FAM72A: variants seen among roughly 807,000 people sequenced by gnomAD.
FAM72A encodes the protein protein FAM72A.
In FAM72A, 1 loss-of-function variant was observed where a neutral mutation model predicts 11.3. The observed-to-expected ratio is 0.09, with a 90% confidence interval of 0.03 to 0.42. FAM72A has a LOEUF of 0.42. FAM72A is among the 10% of genes least tolerant of loss of function. The pLI is 0.98. For missense variants in FAM72A, 15 were observed against 135.5 expected, an observed-to-expected ratio of 0.11 and a Z score of 4.41; for synonymous variants, 5 against 46.9, an observed-to-expected ratio of 0.11 and a Z score of 3.65.
intron 2 of FAM72A, among the ~76,000 whole-genome samples, chr1:206,198,678 G>A (rs1380442918): frequency 2.0e-5 from 3 of 151,572 alleles, no homozygotes; most frequent in African/African-American, 7.3e-5. Flanking sequence ...GCTCTCAGCT[G>A]TTGTAATTTA....
chr1:206,203,780 C>CA (rs1553300008), upstream of FAM72A: 1 of 1,518,072 alleles, frequency 6.6e-7, no homozygotes, highest in African/African-American at 1.4e-5. Flanking sequence ...AGCGGTGCCG[C>CA]CCGGAATCCC....
At chr1:206,203,805 C>A (rs782501378), upstream of FAM72A, 24 of 1,531,802 alleles carry the variant, frequency 1.6e-5, no homozygotes, top group East Asian at 1.7e-4. Context: ...ACCGCCCCCC[C>A]TCCACCCTCT....
At chr1:206,196,126 C>G (rs369572110) in intron 2 of FAM72A, among the ~76,000 whole-genome samples, 1 of 143,898 alleles carries the variant, frequency 6.9e-6, no homozygotes, top group Non-Finnish European at 1.5e-5. Context: ...TTATTGAGAC[C>G]GAGTTTTGCT....
intron 2 of FAM72A, among the ~76,000 whole-genome samples, chr1:206,198,953 G>A (rs1553298761): frequency 2.0e-5 from 3 of 151,020 alleles, no homozygotes; most frequent in Non-Finnish European, 2.9e-5. Flanking sequence ...ATGGTGGTGC[G>A]TGCATGTAAT....
chr1:206,198,467 G>A (rs1417105618), intron 2 of FAM72A, among the ~76,000 whole-genome samples: 2 of 145,056 alleles, frequency 1.4e-5, no homozygotes, highest in Non-Finnish European at 3.0e-5. Flanking sequence ...CCACATACTA[G>A]TTCCTCAATA....
intron 3 of FAM72A, among the ~76,000 whole-genome samples, chr1:206,193,562 G>C (rs1229285848): frequency 6.6e-6 from 1 of 152,202 alleles, no homozygotes; most frequent in Non-Finnish European, 1.5e-5. Flanking sequence ...CATAGCTAGA[G>C]AGGAGAAGTA....
chr1:206,189,140 C>T (rs1397333395), intron 3 of FAM72A, among the ~76,000 whole-genome samples: 5 of 151,886 alleles, frequency 3.3e-5, no homozygotes, highest in African/African-American at 4.8e-5. Context: ...GTGTAGATTT[C>T]GCTCATTTAT....
upstream of FAM72A, chr1:206,204,907 G>GCCCCC (rs370784257): frequency 3.2e-5 from 3 of 95,136 alleles, no homozygotes; most frequent in Admixed American, 9.6e-5. Flanking sequence ...CTGCAGATTT[G>GCCCCC]CCCCCCCCCC....
chr1:206,191,355 T>A (rs1419269277), intron 3 of FAM72A, among the ~76,000 whole-genome samples: 1 of 106,224 alleles, frequency 9.4e-6, no homozygotes, highest in African/African-American at 4.3e-5. Context: ...ACGTCTGTAA[T>A]CCCATGTAAT....
At chr1:206,191,785 C>T (rs1274846091) in intron 3 of FAM72A, among the ~76,000 whole-genome samples, 4 of 135,624 alleles carry the variant, frequency 2.9e-5, no homozygotes, top group Non-Finnish European at 4.6e-5. Flanking sequence ...TGGAGTGCAG[C>T]GGTGCCACCT....
chr1:206,194,446 C>G (rs1299959251), intron 3 of FAM72A, among the ~76,000 whole-genome samples: 1 of 151,870 alleles, frequency 6.6e-6, no homozygotes, highest in Non-Finnish European at 1.5e-5. Flanking sequence ...AGGATTGACT[C>G]CAATTTTGAA....
At chr1:206,190,871 CAAA>C (rs545469020) in intron 3 of FAM72A, among the ~76,000 whole-genome samples, 2 of 105,366 alleles carry the variant, frequency 1.9e-5, no homozygotes, top group Non-Finnish European at 4.0e-5. Context: ...ACCCTGTCTC[CAAA>C]AAAAAAAAAA....
intron 2 of FAM72A, among the ~76,000 whole-genome samples, chr1:206,198,317 T>C (rs1553298643): frequency 6.7e-6 from 1 of 150,012 alleles, no homozygotes; most frequent in South Asian, 2.1e-4. Context: ...TAAGCTGAGA[T>C]CGTGCCACTG....
At chr1:206,198,706 T>C (rs1553298711) in intron 2 of FAM72A, among the ~76,000 whole-genome samples, 1 of 151,070 alleles carries the variant, frequency 6.6e-6, no homozygotes, top group African/African-American at 2.4e-5. Context: ...TTGAGCACTT[T>C]AACATTCATA....
At chr1:206,191,947 A>G (rs1407804099) in intron 3 of FAM72A, among the ~76,000 whole-genome samples, 20 of 148,248 alleles carry the variant, frequency 1.3e-4, no homozygotes, top group African/African-American at 4.5e-4. Context: ...GCCTTGCTAA[A>G]ATAATTAGTA....
intron 3 of FAM72A, among the ~76,000 whole-genome samples, chr1:206,194,335 A>G (rs1408677379): frequency 6.6e-6 from 1 of 152,242 alleles, no homozygotes; most frequent in Non-Finnish European, 1.5e-5. Flanking sequence ...CTTGAGGTGA[A>G]ATCTACTCTT....
At chr1:206,191,505 G>A (rs1227947231) in intron 3 of FAM72A, among the ~76,000 whole-genome samples, 11 of 150,086 alleles carry the variant, frequency 7.3e-5, no homozygotes, top group Non-Finnish European at 1.5e-4. Flanking sequence ...CTCGCTACTC[G>A]GGAGGCTGAG....
At chr1:206,198,180 A>G (rs1274812433) in intron 2 of FAM72A, among the ~76,000 whole-genome samples, 5 of 148,914 alleles carry the variant, frequency 3.4e-5, no homozygotes, top group African/African-American at 1.3e-4. Flanking sequence ...CCTGGGCAAC[A>G]CGGTGAAACC....
chr1:206,189,063 C>T (rs1331536786), intron 3 of FAM72A, among the ~76,000 whole-genome samples: 1 of 149,842 alleles, frequency 6.7e-6, no homozygotes, highest in Non-Finnish European at 1.5e-5. Flanking sequence ...AATGTTATTA[C>T]ACTACATATT....
Sources: gnomAD v4.1 joint callset for allele counts (sites outside exome capture counted in the v4.1 genomes callset) on GRCh38, gnomAD v4.1.1 for gene constraint, MANE v1.5 for transcripts, NCBI Gene and HGNC (gene_info 2026-07-23, HGNC 2026-07-21) for gene names.